RASAL2: variants seen among roughly 807,000 people sequenced by gnomAD.
RASAL2 encodes the protein ras GTPase-activating protein nGAP.
RASAL2 carries 58 observed loss-of-function variants against 128.9 expected under a neutral mutation model. The ratio of observed to expected loss-of-function variants is 0.45; its 90% CI spans 0.36 to 0.56. RASAL2 has a LOEUF of 0.56. Ranked by LOEUF, RASAL2 falls within the 20% of genes least tolerant of loss-of-function variation. The probability of loss-of-function intolerance (pLI) is 0.00; values close to 1 mark genes in which losing one functional copy is unlikely to be tolerated. For missense variants in RASAL2, 1,360 were observed against 1,601.6 expected (o/e 0.85, Z 2.57); for synonymous variants, 561 against 580.8 (o/e 0.97, Z 0.49).
chr1:178,411,619 T>G, intron 4 of RASAL2: 1 of 758,354 alleles, frequency 1.3e-6, no homozygotes, highest in Non-Finnish European at 2.4e-6. Context: ...ACACTTCAGG[T>G]GGCTGAAGGA....
chr1:178,252,662 A>T (rs1001329737), intron 1 of RASAL2, among the ~76,000 whole-genome samples: 1 of 152,194 alleles, frequency 6.6e-6, no homozygotes, highest in Admixed American at 6.5e-5. Flanking sequence ...AAGCTCAAGG[A>T]GGAATCTTTA....
At chr1:178,197,328 C>T (rs924932337) in intron 1 of RASAL2, among the ~76,000 whole-genome samples, 10 of 152,098 alleles carry the variant, frequency 6.6e-5, no homozygotes, top group African/African-American at 1.2e-4. Context: ...TGGTGGCTCA[C>T]GTCTGTAATC....
intron 1 of RASAL2, among the ~76,000 whole-genome samples, chr1:178,097,602 C>T (rs1373826663): frequency 6.6e-6 from 1 of 152,174 alleles, no homozygotes; most frequent in Non-Finnish European, 1.5e-5. Context: ...ACCTAACCTA[C>T]ATAGCCATGT....
chr1:178,347,262 A>G (rs1670199188), intron 3 of RASAL2, among the ~76,000 whole-genome samples: 1 of 152,066 alleles, frequency 6.6e-6, no homozygotes, highest in Admixed American at 6.5e-5. Context: ...GAAATTATAA[A>G]CCCATTTTCA....
intron 1 of RASAL2, among the ~76,000 whole-genome samples, chr1:178,253,421 T>C (rs1238514615): frequency 6.6e-6 from 1 of 152,212 alleles, no homozygotes; most frequent in African/African-American, 2.4e-5. Flanking sequence ...ATTCAACCTG[T>C]TACAGCTTCT....
intron 1 of RASAL2, among the ~76,000 whole-genome samples, chr1:178,165,535 G>A (rs779004828): frequency 2.0e-5 from 3 of 152,080 alleles, no homozygotes; most frequent in Non-Finnish European, 4.4e-5. Flanking sequence ...GGTATCCAAG[G>A]GAAGTCCTGG....
chr1:178,257,329 AG>A (rs1296104214), intron 1 of RASAL2, among the ~76,000 whole-genome samples: 1 of 152,128 alleles, frequency 6.6e-6, no homozygotes, highest in East Asian at 1.9e-4. Context: ...CAACAATCAT[AG>A]GGGATAAAAA....
intron 1 of RASAL2, chr1:178,194,390 C>G: frequency 4.5e-6 from 1 of 223,668 alleles, no homozygotes. Flanking sequence ...TGTCTTTGGG[C>G]ATCTCTTAGC....
chr1:178,381,742 G>A (rs1024344547), intron 3 of RASAL2, among the ~76,000 whole-genome samples: 25 of 151,512 alleles, frequency 1.7e-4, no homozygotes, highest in African/African-American at 5.8e-4. Flanking sequence ...ACCCCCAATT[G>A]TACATGAAGC....
At chr1:178,166,037 A>G (rs954358748) in intron 1 of RASAL2, among the ~76,000 whole-genome samples, 1 of 152,124 alleles carries the variant, frequency 6.6e-6, no homozygotes. Flanking sequence ...CACTGCTGGT[A>G]TCAGCAAACC....
At chr1:178,376,962 AATT>A (rs994021620) in intron 3 of RASAL2, among the ~76,000 whole-genome samples, 1 of 152,088 alleles carries the variant, frequency 6.6e-6, no homozygotes, top group Admixed American at 6.6e-5. Flanking sequence ...TAGCATTTGA[AATT>A]ATTATTCAGT....
intron 15 of RASAL2, among the ~76,000 whole-genome samples, chr1:178,465,206 T>C (rs1328083959): frequency 1.3e-5 from 2 of 152,158 alleles, no homozygotes; most frequent in African/African-American, 4.8e-5. Context: ...GTGAGTCATA[T>C]TACAAAAATG....
chr1:178,154,989 A>C (rs1661036161), intron 1 of RASAL2, among the ~76,000 whole-genome samples: 1 of 151,922 alleles, frequency 6.6e-6, no homozygotes, highest in Non-Finnish European at 1.5e-5. Flanking sequence ...ACGCCCAGCT[A>C]ATTTTGTATT....
At chr1:178,226,243 A>C (rs371247692) in intron 1 of RASAL2, among the ~76,000 whole-genome samples, 1 of 152,190 alleles carries the variant, frequency 6.6e-6, no homozygotes, top group African/African-American at 2.4e-5. Context: ...TAATGTGAGA[A>C]GCACTGGTCT....
chr1:178,138,974 G>A (rs1268720365), intron 1 of RASAL2, among the ~76,000 whole-genome samples: 3 of 151,934 alleles, frequency 2.0e-5, no homozygotes, highest in East Asian at 1.9e-4. Context: ...GGACCACAAA[G>A]CATGTTTTAT....
intron 4 of RASAL2, among the ~76,000 whole-genome samples, chr1:178,411,316 G>A (rs537882150): frequency 2.0e-5 from 3 of 152,218 alleles, no homozygotes; most frequent in Admixed American, 6.5e-5. Context: ...ACCAAATATT[G>A]TATGTTCTCA....
At chr1:178,342,676 C>CT (rs770176061) in intron 3 of RASAL2, among the ~76,000 whole-genome samples, 21 of 152,078 alleles carry the variant, frequency 1.4e-4, no homozygotes, top group Non-Finnish European at 1.8e-4. Flanking sequence ...TGTTAGTAAA[C>CT]TTTTTTCTGT....
intron 1 of RASAL2, among the ~76,000 whole-genome samples, chr1:178,126,187 T>C (rs755098011): frequency 2.6e-5 from 4 of 152,190 alleles, no homozygotes; most frequent in African/African-American, 4.8e-5. Flanking sequence ...CCTGGTGATA[T>C]GGCTGTGGAG....
chr1:178,411,246 G>A (rs1282021959), intron 4 of RASAL2, among the ~76,000 whole-genome samples: 2 of 151,714 alleles, frequency 1.3e-5, no homozygotes, highest in African/African-American at 2.4e-5. Context: ...AATGGCATTC[G>A]CAGAAACCTG....
Sources: gnomAD v4.1 joint callset for allele counts (sites outside exome capture counted in the v4.1 genomes callset) on GRCh38, gnomAD v4.1.1 for gene constraint, MANE v1.5 for transcripts, NCBI Gene and HGNC (gene_info 2026-07-23, HGNC 2026-07-21) for gene names.